MAPK8: variants seen among roughly 807,000 people sequenced by gnomAD.
The protein encoded by MAPK8 is mitogen-activated protein kinase 8.
MAPK8 carries 13 observed loss-of-function variants against 52.9 expected under a neutral mutation model. The ratio of observed to expected loss-of-function variants is 0.25; its 90% CI spans 0.16 to 0.39. The LOEUF (loss-of-function observed/expected upper bound fraction) is 0.39. Ranked by LOEUF, MAPK8 falls within the 10% of genes least tolerant of loss-of-function variation. MAPK8 has a pLI of 1.00. For missense variants in MAPK8, 300 were observed against 519.2 expected (o/e 0.58, Z 4.10); for synonymous variants, 191 against 169.8 (o/e 1.12, Z -0.97).
rs768112943 is a variant in MAPK8, at chr10:48,438,920, G to A, written c.*3891G>A. The A allele has an allele frequency of 2.6e-5, 4 of 152,166 alleles. No homozygotes were observed. The highest frequency in any genetic ancestry group is 4.8e-5 in the African/African-American group (2 of 41,452). The allele number at this position is 152,166 out of a possible 1,614,324, so 9.4% of individuals were successfully genotyped here. On this transcript the variant is annotated 3_prime_UTR_variant, in exon 12 of 12. Coordinates refer to ENST00000374189, the MANE Select transcript of MAPK8 (RefSeq NM_001323329.2). ...GAGTAAATCTTAGTAAAAATTTTAC[G>A]AAGAAATAAATTACTTTTGTAGGCC...
chr10:48,316,166 C>T (rs773026836), intron 1 of MAPK8, among the ~76,000 whole-genome samples: 1 of 152,172 alleles, frequency 6.6e-6, no homozygotes, highest in Admixed American at 6.5e-5. Context: ...GGTGAGGTTT[C>T]GGTCCATTAC....
At chr10:48,355,325 C>A (rs1023197587) in intron 1 of MAPK8, among the ~76,000 whole-genome samples, 1 of 151,976 alleles carries the variant, frequency 6.6e-6, no homozygotes, top group African/African-American at 2.4e-5. Context: ...CTGGCTAACA[C>A]GGCGAAACCC....
At position 48,410,047 on chromosome 10, in the gene MAPK8, T is replaced by G. The variant is rs752372488; in HGVS notation, c.329T>G (p.Leu110Arg). The G allele has an allele frequency of 4.4e-6, 7 of 1,603,036 alleles. No homozygotes were observed. The highest frequency in any genetic ancestry group is 2.6e-6 in the Non-Finnish European group (3 of 1,175,634). The part of the protein sequence containing the change: ...EFQDVYIVME[L>R]MDANLCQVIQ... ...TCATAAAGTTACATAGTCATGGAGC[T>G]CATGGATGCAAATCTTTGCCAAGTG... The change falls in exon 5 of 12, where the codon CTC (leucine) becomes CGC (arginine). Residue 110 changes from leucine (L) to arginine (R), a missense_variant. This residue lies in a region of MAPK8 where 147 missense variants were observed against 328.1 expected (regional missense o/e 0.45). Coordinates refer to ENST00000374189, the MANE Select transcript of MAPK8 (RefSeq NM_001323329.2).
intron 1 of MAPK8, among the ~76,000 whole-genome samples, chr10:48,399,960 T>C (rs929175796): frequency 2.0e-5 from 3 of 152,212 alleles, no homozygotes; most frequent in Non-Finnish European, 4.4e-5. Flanking sequence ...GCTGACCCAG[T>C]TTCCAGGATA....
chr10:48,347,745 G>A (rs578009109), intron 1 of MAPK8, among the ~76,000 whole-genome samples: 228 of 152,284 alleles, frequency 1.5e-3, no homozygotes, highest in African/African-American at 5.2e-3. Context: ...TTTGATGGCT[G>A]CATAGTATTC....
chr10:48,401,710 A>T lies in MAPK8; in HGVS notation c.50A>T (p.Asp17Val), dbSNP rs1233570131. Residue 17 changes from aspartate (D) to valine (V), a missense_variant, in exon 2 of 12, where the codon GAT (aspartate) becomes GTT (valine). Transcript: ENST00000374189. The part of the protein sequence containing the change: ...DNNFYSVEIG[D>V]STFTVLKRYQ... ...AATTTTTATAGTGTAGAGATTGGAGATTCTACATTCACAGTCCTGAAACGA... is the reference window on the plus strand; with the variant it reads ...AATTTTTATAGTGTAGAGATTGGAGTTTCTACATTCACAGTCCTGAAACGA... The T allele has an allele frequency of 3.7e-6, 6 of 1,602,030 alleles. No individual in the cohort carries two copies. Among genetic ancestry groups the T allele is most frequent in the Non-Finnish European group, 5.1e-6 (6 of 1,174,868 alleles).
chr10:48,426,116 G>A, intron 8 of MAPK8, 46 bp downstream of exon 8: 1 of 1,502,496 alleles, frequency 6.7e-7, no homozygotes, highest in Non-Finnish European at 9.1e-7. Flanking sequence ...GGGGTGTGTA[G>A]TGTGTGTGTA....
At chr10:48,354,871 C>T (rs1276568584) in intron 1 of MAPK8, among the ~76,000 whole-genome samples, 1 of 151,970 alleles carries the variant, frequency 6.6e-6, no homozygotes, top group Non-Finnish European at 1.5e-5. Context: ...CAGTGAGTAT[C>T]CCCAGACTCT....
At chr10:48,329,621 G>A (rs914488713) in intron 1 of MAPK8, among the ~76,000 whole-genome samples, 2 of 152,098 alleles carry the variant, frequency 1.3e-5, no homozygotes, top group Non-Finnish European at 2.9e-5. Context: ...GGCACAGAGA[G>A]CTAAATGTGT....
chr10:48,414,327 G>C (rs907686083), intron 5 of MAPK8, among the ~76,000 whole-genome samples: 1 of 151,800 alleles, frequency 6.6e-6, no homozygotes, highest in African/African-American at 2.4e-5. Context: ...TATAATTTGG[G>C]TTGTTACCAC....
intron 1 of MAPK8, among the ~76,000 whole-genome samples, chr10:48,338,255 C>T (rs1844888516): frequency 6.6e-6 from 1 of 152,062 alleles, no homozygotes; most frequent in Non-Finnish European, 1.5e-5. Flanking sequence ...AGATAATTCA[C>T]CATGATCAGG....
At chr10:48,421,059 A>T (rs1162854197) in intron 6 of MAPK8, among the ~76,000 whole-genome samples, 1 of 152,220 alleles carries the variant, frequency 6.6e-6, no homozygotes, top group Non-Finnish European at 1.5e-5. Context: ...GATTTTATGG[A>T]AATAAACCAT....
chr10:48,356,531 C>G (rs989379779), intron 1 of MAPK8, among the ~76,000 whole-genome samples: 1 of 151,978 alleles, frequency 6.6e-6, no homozygotes, highest in African/African-American at 2.4e-5. Flanking sequence ...GTTTGAGTGG[C>G]CTACTGAATT....
chr10:48,328,555 C>T (rs867800298), intron 1 of MAPK8, among the ~76,000 whole-genome samples: 8 of 152,138 alleles, frequency 5.3e-5, no homozygotes, highest in Non-Finnish European at 2.9e-5. Flanking sequence ...TGGGACACTC[C>T]TTTTCTTTAG....
At chr10:48,338,833 ACACACACAC>A (rs1404184970) in intron 1 of MAPK8, among the ~76,000 whole-genome samples, 1 of 152,034 alleles carries the variant, frequency 6.6e-6, no homozygotes, top group African/African-American at 2.4e-5. Flanking sequence ...ACACACACAA[ACACACACAC>A]CACACACACA....
intron 11 of MAPK8, 81 bp from the exon 12 acceptor site, chr10:48,434,803 C>T: frequency 1.6e-6 from 2 of 1,265,974 alleles, no homozygotes; most frequent in South Asian, 3.8e-5. Flanking sequence ...AAAATTACCA[C>T]TGGAGGCAGT....
intron 1 of MAPK8, among the ~76,000 whole-genome samples, chr10:48,319,730 G>A (rs1296204654): frequency 6.6e-6 from 1 of 152,022 alleles, no homozygotes; most frequent in African/African-American, 2.4e-5. Flanking sequence ...TACCCCAAGT[G>A]ATCTACCCAC....
chr10:48,430,961 G>GTGAA (rs2044183160), intron 10 of MAPK8: 2 of 537,136 alleles, frequency 3.7e-6, no homozygotes, highest in South Asian at 4.5e-5. Context: ...TTCAGAAACA[G>GTGAA]TGAATTACAG....
At chr10:48,347,007 A>C (rs1436575548) in intron 1 of MAPK8, among the ~76,000 whole-genome samples, 1 of 152,136 alleles carries the variant, frequency 6.6e-6, no homozygotes, top group South Asian at 2.1e-4. Context: ...CGGGGCCACT[A>C]CCGGTCTCCG....
Sources: gnomAD v4.1 joint callset for allele counts (sites outside exome capture counted in the v4.1 genomes callset) on GRCh38, gnomAD v4.1.1 for gene constraint, gnomAD v4.1.1 regional missense constraint, MANE v1.5 for transcripts, NCBI Gene and HGNC (gene_info 2026-07-23, HGNC 2026-07-21) for gene names.